The following SEC62 variants were observed in gnomAD, a reference collection of about 807,000 sequenced individuals.
The protein encoded by SEC62 is SEC62 preprotein translocation factor.
SEC62 carries 10 observed loss-of-function variants against 47.5 expected under a neutral mutation model. That is an observed-to-expected ratio of 0.21 (90% CI 0.13 to 0.36). The LOEUF (loss-of-function observed/expected upper bound fraction) is 0.36. Ranked by LOEUF, SEC62 falls within the 10% of genes least tolerant of loss-of-function variation. The pLI is 1.00. For synonymous variants in SEC62, 136 were observed against 150.5 expected, an observed-to-expected ratio of 0.90 and a Z score of 0.71; for missense variants, 327 against 464.1, an observed-to-expected ratio of 0.70 and a Z score of 2.71.
chr3:169,978,480 C>G (rs1313697312), intron 3 of SEC62: 1 of 152,232 alleles, frequency 6.6e-6, no homozygotes, highest in African/African-American at 2.4e-5. Flanking sequence ...AATCCTGACA[C>G]TTTGGGAGAC....
intron 5 of SEC62, chr3:169,985,521 G>A (rs1010625939): frequency 9.1e-6 from 2 of 219,434 alleles, no homozygotes; most frequent in African/African-American, 2.3e-5. Flanking sequence ...GATTATAGGC[G>A]TGAGCCACCA....
rs1179618225 is a variant in SEC62 at position 169,994,194 on chromosome 3, C to CT, written c.*1132dup. ...GAAAACATAAGAGAACTATTGGACT[C>CT]TAATTGCTTTGAACTAGTTTTGCAG... On this transcript the variant is annotated 3_prime_UTR_variant, in exon 8 of 8. Coordinates refer to ENST00000337002, the MANE Select transcript of SEC62 (RefSeq NM_003262.4). 6.6e-6 allele frequency: 1 copy of CT among 152,570 alleles called. No individual in the cohort carries two copies. Among genetic ancestry groups the CT allele is most frequent in the African/African-American group, 2.4e-5 (1 of 41,434 alleles). 9.5% of individuals were successfully genotyped at this position (152,570 alleles called of 1,614,324 possible).
intron 5 of SEC62, among the ~76,000 whole-genome samples, chr3:169,984,904 A>C (rs1017366907): frequency 6.6e-6 from 1 of 152,206 alleles, no homozygotes; most frequent in Non-Finnish European, 1.5e-5. Flanking sequence ...GATCTGAATG[A>C]AGTAAATTTC....
chr3:169,983,041 C>A, intron 4 of SEC62, 120 bp from the exon 5 acceptor site: 27 of 1,470,670 alleles, frequency 1.8e-5, no homozygotes, highest in Non-Finnish European at 2.4e-5. Context: ...GTTATAAATA[C>A]CGTGGTTGAG....
At position 169,998,227 on chromosome 3, in the gene SEC62, C is replaced by T. The variant is rs115999290; in HGVS notation, c.*5164C>T. 1.2e-3 allele frequency: 188 copies of T among 152,264 alleles called. 2 individuals carry two copies. Among genetic ancestry groups the T allele is most frequent in the African/African-American group, 4.3e-3 (179 of 41,558 alleles). The allele number at this position is 152,264 out of a possible 1,614,324, so 9.4% of individuals were successfully genotyped here. The stretch of plus-strand genomic sequence containing the variant: ...GTTTCAAATAGGACTATAACTTATT[C>T]AAAGGCCAATGATACTTCGCATAAT... On this transcript the variant is annotated 3_prime_UTR_variant, in exon 8 of 8. Coordinates refer to ENST00000337002, the MANE Select transcript of SEC62 (RefSeq NM_003262.4).
chr3:169,967,323 G>A (rs1714556319), intron 1 of SEC62, among the ~76,000 whole-genome samples: 1 of 152,200 alleles, frequency 6.6e-6, no homozygotes, highest in Admixed American at 6.5e-5. Flanking sequence ...TAAAGCAGCT[G>A]GTTCTTTGTG....
chr3:169,994,287 T>C lies in SEC62; in HGVS notation c.*1224T>C, dbSNP rs1418859097. On this transcript the variant is annotated 3_prime_UTR_variant, in exon 8 of 8. Coordinates refer to ENST00000337002, the MANE Select transcript of SEC62 (RefSeq NM_003262.4). ...AACTCTTGTTTACTTATGAGCATAATCATTCCTTGGAGTTATACTAACTAA... is the reference window on the plus strand; with the variant it reads ...AACTCTTGTTTACTTATGAGCATAACCATTCCTTGGAGTTATACTAACTAA... 2 of 152,656 alleles carry C rather than the reference T, an allele frequency of 1.3e-5. No individual in the cohort carries two copies. The highest frequency in any genetic ancestry group is 2.9e-5 in the Non-Finnish European group (2 of 68,026). The allele number at this position is 152,656 out of a possible 1,614,324, so 9.5% of individuals were successfully genotyped here.
Position 169,982,958 on chromosome 3 carries a change from A to G in SEC62, c.456+47A>G, listed in dbSNP as rs775283473. On this transcript the variant is annotated intron_variant, in intron 4 of 7. Coordinates refer to ENST00000337002, the MANE Select transcript of SEC62 (RefSeq NM_003262.4). Reference sequence around the variant, plus strand: ...TAAAAATTTAAAAATCATTATGTGCACATGAACACTACTGGCCTATGAGCA... The same window carrying G: ...TAAAAATTTAAAAATCATTATGTGCGCATGAACACTACTGGCCTATGAGCA... 1.3e-6 allele frequency: 2 copies of G among 1,547,476 alleles called. 1 individual carries two copies. Among genetic ancestry groups the G allele is most frequent in the Non-Finnish European group, 1.7e-6 (2 of 1,157,968 alleles).
At chr3:169,983,382 T>C (rs1246446088) in intron 5 of SEC62, 129 bp downstream of exon 5, 1 of 460,910 alleles carries the variant, frequency 2.2e-6, no homozygotes, top group African/African-American at 2.0e-5. Context: ...TAAAAGCTAC[T>C]CCATTTTTAA....
chr3:169,982,958 A>C (rs775283473), intron 4 of SEC62, 47 bp downstream of exon 4: 125 of 1,547,358 alleles, frequency 8.1e-5, no homozygotes, highest in Non-Finnish European at 1.1e-4. Flanking sequence ...CATTATGTGC[A>C]CATGAACACT....
Position 169,975,665 on chromosome 3 carries a change from T to A in SEC62, c.94T>A (p.Cys32Ser), listed in dbSNP as rs761682982. Residue 32 changes from cysteine to serine, a missense_variant, in exon 2 of 8, where the codon TGT becomes AGT. Physicochemically the swap from Cys to Ser is moderately radical, Grantham distance 112 (BLOSUM62 -1). This residue lies in a region of SEC62 where 126 missense variants were observed against 161.2 expected (regional missense o/e 0.78). Coordinates refer to ENST00000337002, the MANE Select transcript of SEC62 (RefSeq NM_003262.4). ...TGTGGCCAAGTATCTTCGATTCAAC[T>A]GTCCAACAAAGTCCACCAATATGAT... ...KAVAKYLRFN[C>S]PTKSTNMMGH... The A allele has an allele frequency of 6.2e-7, 1 of 1,613,948 alleles. No individual in the cohort carries two copies. The highest frequency in any genetic ancestry group is 8.5e-7 in the Non-Finnish European group (1 of 1,179,866).
At position 169,966,809 on chromosome 3, in the gene SEC62, G is replaced by A. The variant is rs1242194140; in HGVS notation, c.-14G>A. The stretch of plus-strand genomic sequence containing the variant: ...CTCGCTCCACGTCAGAGGGAACCGG[G>A]CGGAGCGGCCAACATGGCGGAACGC... On this transcript the variant is annotated 5_prime_UTR_variant, in exon 1 of 8. Transcript: ENST00000337002. 2 of 1,552,634 alleles carry A rather than the reference G, an allele frequency of 1.3e-6. No individual in the cohort carries two copies. Among genetic ancestry groups the A allele is most frequent in the Admixed American group, 2.0e-5 (1 of 51,078 alleles).
chr3:169,995,600 C>T lies in SEC62; in HGVS notation c.*2537C>T, dbSNP rs566422729. The T allele has an allele frequency of 1.3e-5, 2 of 152,196 alleles. No homozygotes were observed. The highest frequency in any genetic ancestry group is 4.1e-4 in the South Asian group (2 of 4,830). 9.4% of individuals were successfully genotyped at this position (152,196 alleles called of 1,614,324 possible). On this transcript the variant is annotated 3_prime_UTR_variant, in exon 8 of 8. Coordinates refer to ENST00000337002, the MANE Select transcript of SEC62 (RefSeq NM_003262.4). ...TCAGTTAGCTGCTGACAAGAAAAGT[C>T]ATCTTGTGTCTTTTGTAAATTGAAT...
intron 1 of SEC62, among the ~76,000 whole-genome samples, chr3:169,974,099 T>G (rs1472597841): frequency 6.6e-6 from 1 of 152,246 alleles, no homozygotes; most frequent in Non-Finnish European, 1.5e-5. Context: ...TTGGATAGAT[T>G]CTTTTTTCTA....
At position 169,992,667 on chromosome 3, in the gene SEC62, G is replaced by T. The variant is rs1251797770; in HGVS notation, c.804G>T (p.Leu268=). ...ACCACTTTTGGTTCTTGCCAAATCT[G>T]ACTGCTGATGTGGGCTTCATTGACT... ...GRHHFWFLPN[L]TADVGFIDSF... is the part of the protein sequence containing the mutation. The change falls in exon 8 of 8, where the codon CTG becomes CTT. Residue 268 remains leucine (L), a synonymous_variant. Transcript: ENST00000337002. The surrounding 1 kb of genome is among the most constrained non-coding windows in gnomAD (Gnocchi z 4.0). 2 of 1,614,152 alleles carry T rather than the reference G, an allele frequency of 1.2e-6. No individual in the cohort carries two copies. Among genetic ancestry groups the T allele is most frequent in the South Asian group, 2.2e-5 (2 of 91,078 alleles).
At chr3:169,990,932 T>C (rs1344697514) in intron 7 of SEC62, among the ~76,000 whole-genome samples, 3 of 152,174 alleles carry the variant, frequency 2.0e-5, no homozygotes, top group Non-Finnish European at 4.4e-5. Flanking sequence ...AGTGACAGAA[T>C]TGTCTAAAGA....
intron 1 of SEC62, among the ~76,000 whole-genome samples, chr3:169,974,224 G>A (rs2108280918): frequency 6.6e-6 from 1 of 152,080 alleles, no homozygotes; most frequent in East Asian, 1.9e-4. Flanking sequence ...ATTCTTTAAT[G>A]AAGCAGCCCT....
chr3:169,973,400 G>A (rs192525198), intron 1 of SEC62, among the ~76,000 whole-genome samples: 111 of 152,200 alleles, frequency 7.3e-4, no homozygotes, highest in South Asian at 1.9e-3. Context: ...GGTGGCTTAC[G>A]CCTGTAATCC....
At chr3:169,979,130 A>G (rs1714912968) in intron 3 of SEC62, among the ~76,000 whole-genome samples, 1 of 152,132 alleles carries the variant, frequency 6.6e-6, no homozygotes, top group East Asian at 1.9e-4. Flanking sequence ...TTTTCATTGT[A>G]TACGCTCTTC....
Sources: allele counts gnomAD v4.1 joint callset (sites outside exome capture counted in the v4.1 genomes callset), GRCh38; gene constraint gnomAD v4.1.1; regional missense constraint gnomAD v4.1.1; non-coding constraint Gnocchi (gnomAD v3.1); transcripts MANE v1.5; gene names NCBI Gene and HGNC (gene_info 2026-07-23, HGNC 2026-07-21).